GRID2: variants seen among roughly 807,000 people sequenced by gnomAD.
GRID2 encodes the protein glutamate receptor ionotropic, delta-2.
In GRID2, 33 loss-of-function variants were observed where a neutral mutation model predicts 114.8. That is an observed-to-expected ratio of 0.29 (90% CI 0.22 to 0.38). The LOEUF (loss-of-function observed/expected upper bound fraction) is 0.38. GRID2 is among the 10% of genes least tolerant of loss of function. GRID2 has a pLI of 1.00. For missense variants in GRID2, 1,184 were observed against 1,257.7 expected, an observed-to-expected ratio of 0.94 and a Z score of 0.89; for synonymous variants, 505 against 449.9, an observed-to-expected ratio of 1.12 and a Z score of -1.55.
At chr4:93,572,540 G>A (rs1414566014) in intron 13 of GRID2, among the ~76,000 whole-genome samples, 1 of 151,798 alleles carries the variant, frequency 6.6e-6, no homozygotes, top group East Asian at 1.9e-4. Context: ...TTTGATTACA[G>A]TATATTAAAA....
intron 14 of GRID2, among the ~76,000 whole-genome samples, chr4:93,703,977 G>A (rs1408924275): frequency 1.3e-5 from 2 of 152,160 alleles, no homozygotes; most frequent in East Asian, 3.9e-4. Flanking sequence ...TGTCTTTATA[G>A]CAGCATGATT....
At chr4:92,703,455 C>G (rs1734781221) in intron 2 of GRID2, among the ~76,000 whole-genome samples, 1 of 151,858 alleles carries the variant, frequency 6.6e-6, no homozygotes, top group Non-Finnish European at 1.5e-5. Flanking sequence ...GAAGGAACTG[C>G]CTTTAAAGAA....
chr4:92,812,865 G>A (rs1578224474), intron 2 of GRID2, among the ~76,000 whole-genome samples: 2 of 152,054 alleles, frequency 1.3e-5, no homozygotes, highest in East Asian at 3.9e-4. Flanking sequence ...TACTTGACAG[G>A]TGTCTGACAG....
chr4:92,876,268 CTTTT>C (rs556445319), intron 2 of GRID2, among the ~76,000 whole-genome samples: 1 of 145,400 alleles, frequency 6.9e-6, no homozygotes, highest in African/African-American at 2.6e-5. Context: ...ACCCAATTAT[CTTTT>C]TTTTTTATTA....
At chr4:93,156,560 AAGAG>A (rs1737206009) in intron 4 of GRID2, among the ~76,000 whole-genome samples, 2 of 151,716 alleles carry the variant, frequency 1.3e-5, no homozygotes, top group African/African-American at 4.8e-5. Flanking sequence ...GGGAGGGTGA[AAGAG>A]AGAATAAGCC....
At chr4:92,967,480 TATTTATATGTGTCA>T (rs1354027875) in intron 2 of GRID2, among the ~76,000 whole-genome samples, 2 of 152,098 alleles carry the variant, frequency 1.3e-5, no homozygotes, top group East Asian at 3.9e-4. Flanking sequence ...AGCTTTTATT[TATTTATATGTGTCA>T]TTTTTTTAAA....
intron 2 of GRID2, among the ~76,000 whole-genome samples, chr4:92,746,324 T>C (rs1370623378): frequency 6.6e-6 from 1 of 152,128 alleles, no homozygotes; most frequent in African/African-American, 2.4e-5. Flanking sequence ...TAAAATATAT[T>C]TATTGTGACA....
intron 1 of GRID2, among the ~76,000 whole-genome samples, chr4:92,312,558 T>G (rs1483427249): frequency 1.3e-5 from 2 of 152,194 alleles, no homozygotes; most frequent in East Asian, 1.9e-4. Flanking sequence ...TGTGTTACTG[T>G]TGACTAATAT....
intron 14 of GRID2, among the ~76,000 whole-genome samples, chr4:93,658,562 G>A (rs186983369): frequency 6.6e-6 from 1 of 152,246 alleles, no homozygotes; most frequent in East Asian, 1.9e-4. Context: ...GATCACAAGA[G>A]CAGTATATAA....
At chr4:93,450,524 C>A (rs1722585705) in intron 10 of GRID2, among the ~76,000 whole-genome samples, 1 of 151,610 alleles carries the variant, frequency 6.6e-6, no homozygotes, top group Non-Finnish European at 1.5e-5. Context: ...TTAGTTGTTA[C>A]ATATAATCAT....
At position 93,740,387 on chromosome 4, in the gene GRID2, C is replaced by T. The variant is rs183627097; in HGVS notation, c.2361-28823C>T. ...AGCAACCTCACGTTCCAATAAGCTA[C>T]GCAGAACCCTGGGTAGTTTTTGGGA... On this transcript the variant is annotated intron_variant, in intron 14 of 15. Transcript: ENST00000282020. 1.4e-4 allele frequency among the ~76,000 whole-genome samples: 22 copies of T among 152,288 alleles called. No individual in the cohort carries two copies. In the South Asian group the frequency reaches 1.9e-3, roughly 13 times the overall value.
chr4:93,154,946 A>T (rs1048793803), intron 4 of GRID2, among the ~76,000 whole-genome samples: 5 of 151,732 alleles, frequency 3.3e-5, no homozygotes, highest in Non-Finnish European at 5.9e-5. Context: ...TTACATTTAT[A>T]TTTTTTTGCT....
At chr4:93,621,476 G>A (rs1742212670) in intron 13 of GRID2, among the ~76,000 whole-genome samples, 1 of 152,100 alleles carries the variant, frequency 6.6e-6, no homozygotes, top group Admixed American at 6.6e-5. Context: ...TGCTGGTGTG[G>A]AATCCATTAG....
chr4:93,689,840 A>T (rs1313766486), intron 14 of GRID2, among the ~76,000 whole-genome samples: 3 of 152,088 alleles, frequency 2.0e-5, no homozygotes, highest in Admixed American at 2.0e-4. Flanking sequence ...TCAAATTCAG[A>T]ATTCCTGATT....
chr4:92,734,624 T>A (rs888605931), intron 2 of GRID2, among the ~76,000 whole-genome samples: 2 of 152,022 alleles, frequency 1.3e-5, no homozygotes, highest in Non-Finnish European at 2.9e-5. Context: ...AGAGGAAACT[T>A]GACATTCATG....
chr4:93,294,760 A>G (rs1455078734), intron 8 of GRID2, among the ~76,000 whole-genome samples: 1 of 151,894 alleles, frequency 6.6e-6, no homozygotes, highest in Non-Finnish European at 1.5e-5. Context: ...GAGTTTTGCC[A>G]TGTTGGCCAG....
intron 2 of GRID2, among the ~76,000 whole-genome samples, chr4:92,777,830 C>T (rs111290191): frequency 5.3e-5 from 8 of 151,948 alleles, no homozygotes; most frequent in African/African-American, 1.9e-4. Context: ...CTGCCAACAC[C>T]TTGACTTTGG....
At chr4:92,613,384 C>G (rs564901905) in intron 2 of GRID2, among the ~76,000 whole-genome samples, 3 of 151,504 alleles carry the variant, frequency 2.0e-5, no homozygotes, top group African/African-American at 7.2e-5. Context: ...GTGATATTCT[C>G]TTCTTGTGAT....
chr4:92,411,791 C>G (rs1387143399), intron 1 of GRID2, among the ~76,000 whole-genome samples: 1 of 151,004 alleles, frequency 6.6e-6, no homozygotes, highest in Non-Finnish European at 1.5e-5. Context: ...CTGCAAGCTC[C>G]GCCTCCCGGG....
Sources: allele counts gnomAD v4.1 joint callset (sites outside exome capture counted in the v4.1 genomes callset), GRCh38; gene constraint gnomAD v4.1.1; transcripts MANE v1.5; gene names NCBI Gene and HGNC (gene_info 2026-07-23, HGNC 2026-07-21).